Variants in CELF2 observed in about 807,000 individuals in gnomAD.
CELF2 encodes CUG triplet repeat RNA-binding protein 2.
CELF2 carries 8 observed loss-of-function variants against 62.6 expected under a neutral mutation model. The ratio of observed to expected loss-of-function variants is 0.13; its 90% CI spans 0.07 to 0.23. CELF2 has a LOEUF of 0.23. Among genes scored for constraint, CELF2 ranks in the 10% least tolerant of loss-of-function variants. CELF2 has a pLI of 1.00. For missense variants in CELF2, 333 were observed against 671.0 expected, an observed-to-expected ratio of 0.50 and a Z score of 5.56; for synonymous variants, 258 against 250.0, an observed-to-expected ratio of 1.03 and a Z score of -0.30.
the CELF2 span, among the ~76,000 whole-genome samples, chr10:10,716,589 T>C: frequency 6.6e-6 from 1 of 152,210 alleles, no homozygotes; most frequent in Non-Finnish European, 1.5e-5. Context: ...ACCTATTTCC[T>C]TTTTTGTTAG....
chr10:10,940,223 T>G (rs900129752), intron 2 of CELF2, among the ~76,000 whole-genome samples: 1 of 152,168 alleles, frequency 6.6e-6, no homozygotes, highest in African/African-American at 2.4e-5. Context: ...ACTTTTCACA[T>G]CAATAGTTAT....
intron 1 of CELF2, among the ~76,000 whole-genome samples, chr10:10,818,030 A>G (rs369105185): frequency 6.6e-6 from 1 of 152,220 alleles, no homozygotes; most frequent in Non-Finnish European, 1.5e-5. Context: ...CCACCCACTC[A>G]TTAAACAAAC....
intron 2 of CELF2, among the ~76,000 whole-genome samples, chr10:11,179,438 G>A (rs79958194): frequency 0.014 from 2,176 of 152,272 alleles, 49 homozygotes; most frequent in African/African-American, 0.05. Context: ...TGAAATTTGC[G>A]TGCCTAGCTC....
chr10:10,928,807 C>T lies in CELF2; in HGVS notation c.89+8808C>T, dbSNP rs2065792046. ...GACTAGAGGACTTTTACACCTTCTC[C>T]GCTAAGTAGGAAACACACTAAAATC... On this transcript the variant is annotated intron_variant, in intron 2 of 13. Coordinates refer to the CELF2 transcript ENST00000636488. This position sits in a 1 kb window ranked among gnomAD's most constrained non-coding sequence, Gnocchi z 4.8. Among the ~76,000 whole-genome samples the T allele has an allele frequency of 1.3e-5, 2 of 152,136 alleles. No individual in the cohort carries two copies. The highest frequency in any genetic ancestry group is 6.5e-5 in the Admixed American group (1 of 15,274).
At chr10:10,606,035 A>G in the CELF2 span, among the ~76,000 whole-genome samples, 2 of 152,130 alleles carry the variant, frequency 1.3e-5, no homozygotes, top group Non-Finnish European at 2.9e-5. Context: ...GTTGGAAAGC[A>G]CTGGTGTTTT....
chr10:10,932,940 A>G (rs1741725174), intron 2 of CELF2, among the ~76,000 whole-genome samples: 1 of 152,178 alleles, frequency 6.6e-6, no homozygotes, highest in Admixed American at 6.5e-5. Context: ...TATGAATTAG[A>G]AAAGTAGATA....
At chr10:11,018,920 A>T (rs1290628783) in intron 1 of CELF2, 3 of 152,296 alleles carry the variant, frequency 2.0e-5, no homozygotes, top group African/African-American at 7.2e-5. Context: ...TAAAGCGTGA[A>T]ACTAGCCAGG....
At chr10:10,661,016 A>AT in the CELF2 span, among the ~76,000 whole-genome samples, 6 of 151,724 alleles carry the variant, frequency 4.0e-5, no homozygotes, top group East Asian at 3.9e-4. Flanking sequence ...TCAGAAAAAG[A>AT]TTTTTTTTTA....
chr10:11,185,045 T>C (rs1380252237), intron 2 of CELF2, among the ~76,000 whole-genome samples: 2 of 152,268 alleles, frequency 1.3e-5, no homozygotes, highest in African/African-American at 4.8e-5. Flanking sequence ...GGACATTGTC[T>C]TGTCTTCCTG....
intron 1 of CELF2, among the ~76,000 whole-genome samples, chr10:10,893,887 G>C (rs115126506): frequency 1.8e-3 from 273 of 152,236 alleles, no homozygotes; most frequent in African/African-American, 6.4e-3. Context: ...CTCCCACTAG[G>C]CCCTGCCTCC....
At chr10:11,122,694 C>T (rs1407750764) in intron 1 of CELF2, among the ~76,000 whole-genome samples, 1 of 152,188 alleles carries the variant, frequency 6.6e-6, no homozygotes, top group Non-Finnish European at 1.5e-5. Flanking sequence ...AACAAGCAGT[C>T]GTGAAAGAAA....
Position 11,032,146 on chromosome 10 carries a change from C to CAAAAAAAAAA in CELF2, c.74+13999_74+14008dup, listed in dbSNP as rs56364371. Among the ~76,000 whole-genome samples the CAAAAAAAAAA allele has an allele frequency of 4.6e-3, 396 of 86,346 alleles. 5 individuals are homozygous for CAAAAAAAAAA. Among genetic ancestry groups the CAAAAAAAAAA allele is most frequent in the South Asian group, 0.018 (50 of 2,832 alleles). 56.6% of individuals were successfully genotyped at this position (86,346 alleles called of 152,430 possible). A position where few individuals can be genotyped will look rare whatever the true frequency, so the allele number is the denominator to read the frequency against. On this transcript the variant is annotated intron_variant, in intron 1 of 12. Coordinates refer to ENST00000633077, the MANE Select transcript of CELF2 (RefSeq NM_001326342.2). ...CTCCCAGCTCCACATAGGGCTTAGC[C>CAAAAAAAAAA]AAAAAAAAAAAAAAAAAAAAAAAAA...
At position 10,845,747 on chromosome 10, in the gene CELF2, T is replaced by C. The variant is rs187589034; in HGVS notation, c.53+46930T>C. On this transcript the variant is annotated intron_variant, in intron 1 of 13. Coordinates refer to the CELF2 transcript ENST00000636488. ...AGTTTCATAACCAAACTGTTGTACA[T>C]GCTGCTTAAATAAGATCTGAGCACT... 1.6e-3 allele frequency among the ~76,000 whole-genome samples: 250 copies of C among 152,308 alleles called. 5 individuals carry two copies. Among genetic ancestry groups the C allele is most frequent in the Admixed American group, 0.015 (229 of 15,284 alleles).
chr10:11,084,338 C>T (rs974567380), intron 1 of CELF2, among the ~76,000 whole-genome samples: 1 of 152,126 alleles, frequency 6.6e-6, no homozygotes, highest in African/African-American at 2.4e-5. Flanking sequence ...TGTTTTTGAA[C>T]AAATGTGGGT....
At chr10:10,735,536 C>T in the CELF2 span, among the ~76,000 whole-genome samples, 3 of 152,214 alleles carry the variant, frequency 2.0e-5, no homozygotes, top group Middle Eastern at 3.4e-3. Context: ...TAAAACAGGA[C>T]GTCGAGAAAC....
chr10:10,594,531 C>T, the CELF2 span, among the ~76,000 whole-genome samples: 1 of 152,160 alleles, frequency 6.6e-6, no homozygotes, highest in Non-Finnish European at 1.5e-5. Context: ...ATCAGCCAAC[C>T]AGAGGAAAGA....
At chr10:10,966,916 T>A (rs2050180499) in intron 2 of CELF2, among the ~76,000 whole-genome samples, 1 of 152,222 alleles carries the variant, frequency 6.6e-6, no homozygotes, top group Non-Finnish European at 1.5e-5. Context: ...TGGAATAGTT[T>A]GGGATGAACC....
intron 9 of CELF2, among the ~76,000 whole-genome samples, chr10:11,308,175 C>A (rs2094363415): frequency 6.6e-6 from 1 of 152,204 alleles, no homozygotes; most frequent in African/African-American, 2.4e-5. Flanking sequence ...TCATTTTTCT[C>A]TTGCTCCATT....
At chr10:11,287,813 A>G (rs573063187) in intron 8 of CELF2, among the ~76,000 whole-genome samples, 1 of 152,362 alleles carries the variant, frequency 6.6e-6, no homozygotes, top group Admixed American at 6.5e-5. Context: ...ATCTTATTTA[A>G]TCTGCACAAC....
Sources: gnomAD v4.1 joint callset for allele counts (sites outside exome capture counted in the v4.1 genomes callset) on GRCh38, gnomAD v4.1.1 for gene constraint, Gnocchi (gnomAD v3.1) non-coding constraint, MANE v1.5 for transcripts, NCBI Gene and HGNC (gene_info 2026-07-23, HGNC 2026-07-21) for gene names.